Variants in CLMN observed in about 807,000 individuals in gnomAD.
CLMN encodes the protein calmin (calponin-like, transmembrane).
CLMN carries 57 observed loss-of-function variants against 92.7 expected under a neutral mutation model. The observed-to-expected ratio is 0.61, with a 90% CI of 0.50 to 0.77. The LOEUF (loss-of-function observed/expected upper bound fraction) is 0.77. CLMN is among the 30% of genes least tolerant of loss of function. The pLI, the probability that CLMN is intolerant of heterozygous loss-of-function variation, is 0.00. For missense variants in CLMN, 1,158 were observed against 1,237.5 expected (o/e 0.94, Z 0.96); for synonymous variants, 466 against 470.6 (o/e 0.99, Z 0.13).
At chr14:95,245,174 T>TTATA (rs1226855465) in intron 1 of CLMN, among the ~76,000 whole-genome samples, 1 of 50,438 alleles carries the variant, frequency 2.0e-5, no homozygotes, top group African/African-American at 9.2e-5. Flanking sequence ...ACTGGTTATA[T>TTATA]TATATATATA....
Position 95,183,435 on chromosome 14 carries a change from A to G in CLMN, c.*8129T>C, listed in dbSNP as rs1456806637. On this transcript the variant is annotated 3_prime_UTR_variant, in exon 13 of 13. Transcript: ENST00000298912. Reference sequence around the variant, plus strand: ...CTATTTTGTTTTTTGTAACAATGCAAAAATCACTACTTTTAAGCTTAAAAT... The same window carrying G: ...CTATTTTGTTTTTTGTAACAATGCAGAAATCACTACTTTTAAGCTTAAAAT... The G allele has an allele frequency of 2.6e-5, 4 of 152,270 alleles. No individual in the cohort carries two copies. Among genetic ancestry groups the G allele is most frequent in the Admixed American group, 2.0e-4 (3 of 15,290 alleles). The allele number at this position is 152,270 out of a possible 1,614,324, so 9.4% of individuals were successfully genotyped here.
In CLMN at chr14:95,194,756, C is replaced by T. The variant is rs1455466995; in HGVS notation, c.2709-160G>A. On this transcript the variant is annotated intron_variant, in intron 10 of 12. Coordinates refer to ENST00000298912, the MANE Select transcript of CLMN (RefSeq NM_024734.4). The surrounding 1 kb of genome is among the most constrained non-coding windows in gnomAD (Gnocchi z 4.0). ...ACAGATTTTATATCTAACATGCCTA[C>T]TTTGGTTGGACAGTGCTTACAAATA... is the stretch of plus-strand genomic sequence containing the variant. Among the ~76,000 whole-genome samples the T allele has an allele frequency of 2.6e-5, 4 of 152,038 alleles. No homozygotes were observed. The highest frequency in any genetic ancestry group is 6.5e-5 in the Admixed American group (1 of 15,284).
At chr14:95,245,551 G>A (rs1186745467) in intron 1 of CLMN, among the ~76,000 whole-genome samples, 5 of 150,158 alleles carry the variant, frequency 3.3e-5, no homozygotes, top group East Asian at 4.1e-4. Flanking sequence ...TGAATGGATA[G>A]GTGGATGGAG....
In CLMN at chr14:95,190,227, C is replaced by G. The variant is rs1003552249; in HGVS notation, c.*1337G>C. On this transcript the variant is annotated 3_prime_UTR_variant, in exon 13 of 13. Coordinates refer to ENST00000298912, the MANE Select transcript of CLMN (RefSeq NM_024734.4). ...TAATCTAGTCATTTTATCTTTTTCT[C>G]AGGACATTGGTGTGCCCAGTGGAAG... 5.3e-5 allele frequency: 8 copies of G among 152,196 alleles called. No individual in the cohort carries two copies. Among genetic ancestry groups the G allele is most frequent in the African/African-American group, 1.9e-4 (8 of 41,438 alleles). The allele number at this position is 152,196 out of a possible 1,614,324, so 9.4% of individuals were successfully genotyped here. A position where few individuals can be genotyped will look rare whatever the true frequency, so the allele number is the denominator to read the frequency against.
intron 9 of CLMN, among the ~76,000 whole-genome samples, chr14:95,197,301 GAAGAAGA>G: frequency 6.7e-6 from 1 of 150,002 alleles, no homozygotes; most frequent in African/African-American, 2.5e-5. Flanking sequence ...GGAGGAGGAA[GAAGAAGA>G]AAGAAGAAAG....
intron 1 of CLMN, among the ~76,000 whole-genome samples, chr14:95,284,910 G>A (rs1347902110): frequency 6.6e-6 from 1 of 152,178 alleles, no homozygotes; most frequent in East Asian, 1.9e-4. Context: ...GTGAGAATAT[G>A]AGATCTGGGA....
At chr14:95,314,175 C>T (rs1444705543) in intron 1 of CLMN, among the ~76,000 whole-genome samples, 4 of 152,238 alleles carry the variant, frequency 2.6e-5, no homozygotes, top group Admixed American at 1.3e-4. Flanking sequence ...GGGTGGAGTC[C>T]AGAGCCCCTT....
intron 1 of CLMN, among the ~76,000 whole-genome samples, chr14:95,232,505 T>G (rs1897922970): frequency 6.6e-6 from 1 of 152,226 alleles, no homozygotes; most frequent in South Asian, 2.1e-4. Flanking sequence ...TACAATATTT[T>G]TAACTGAAGA....
chr14:95,300,320 G>T (rs1426027775), intron 1 of CLMN, among the ~76,000 whole-genome samples: 1 of 152,246 alleles, frequency 6.6e-6, no homozygotes, highest in African/African-American at 2.4e-5. Context: ...GTGGGCTGGT[G>T]TCAGAGCCAA....
intron 1 of CLMN, among the ~76,000 whole-genome samples, chr14:95,239,606 G>A (rs1002800445): frequency 6.6e-6 from 1 of 152,148 alleles, no homozygotes; most frequent in Non-Finnish European, 1.5e-5. Flanking sequence ...ATTCTACAGA[G>A]TATGAGTTCT....
At chr14:95,219,319 A>G (rs1566874786) in intron 4 of CLMN, among the ~76,000 whole-genome samples, 1 of 152,258 alleles carries the variant, frequency 6.6e-6, no homozygotes, top group Non-Finnish European at 1.5e-5. Flanking sequence ...AAGGAAGAGC[A>G]GCACGAATCT....
chr14:95,198,650 G>A (rs1489295543), intron 9 of CLMN, among the ~76,000 whole-genome samples: 1 of 152,058 alleles, frequency 6.6e-6, no homozygotes, highest in Non-Finnish European at 1.5e-5. Context: ...ATCTGCCCAC[G>A]CTCTCACCAA....
intron 1 of CLMN, among the ~76,000 whole-genome samples, chr14:95,236,398 G>T (rs1898058833): frequency 6.6e-6 from 1 of 152,200 alleles, no homozygotes; most frequent in African/African-American, 2.4e-5. Flanking sequence ...GCGCAGCTTG[G>T]AATCCCTCAA....
intron 1 of CLMN, among the ~76,000 whole-genome samples, chr14:95,236,191 A>T (rs1898049299): frequency 6.6e-6 from 1 of 152,222 alleles, no homozygotes; most frequent in Non-Finnish European, 1.5e-5. Flanking sequence ...GCTTAGGAAC[A>T]TGGCCGCTCA....
intron 1 of CLMN, among the ~76,000 whole-genome samples, chr14:95,292,428 T>TCCCCCCCCCCCCCCCCC (rs1263766978): frequency 8.9e-4 from 66 of 74,096 alleles, no homozygotes; most frequent in Admixed American, 1.9e-3. Flanking sequence ...CCCCCAAGGG[T>TCCCCCCCCCCCCCCCCC]CCCCCACCCC....
At chr14:95,245,211 T>TATATATATATAATATATATATATA (rs1898453717) in intron 1 of CLMN, among the ~76,000 whole-genome samples, 3 of 21,778 alleles carry the variant, frequency 1.4e-4, no homozygotes, top group South Asian at 1.8e-3. Flanking sequence ...ATATATATTA[T>TATATATATATAATATATATATATA]ATATATATAT....
intron 6 of CLMN, 89 bp downstream of exon 6, chr14:95,213,130 T>C: frequency 7.1e-7 from 1 of 1,404,620 alleles, no homozygotes; most frequent in Non-Finnish European, 9.9e-7. Context: ...CATACATAAC[T>C]GGCACCTTAA....
At chr14:95,291,728 G>T (rs1231723287) in intron 1 of CLMN, among the ~76,000 whole-genome samples, 1 of 152,158 alleles carries the variant, frequency 6.6e-6, no homozygotes, top group African/African-American at 2.4e-5. Flanking sequence ...CACCAGAAAT[G>T]GGGACAAGAA....
chr14:95,195,283 C>T (rs1896674352), intron 10 of CLMN, among the ~76,000 whole-genome samples: 1 of 152,238 alleles, frequency 6.6e-6, no homozygotes, highest in Admixed American at 6.5e-5. Flanking sequence ...CCTGCACTGA[C>T]AGCAGAGCCC....
Sources: gnomAD v4.1 joint callset for allele counts (sites outside exome capture counted in the v4.1 genomes callset) on GRCh38, gnomAD v4.1.1 for gene constraint, Gnocchi (gnomAD v3.1) non-coding constraint, MANE v1.5 for transcripts, NCBI Gene and HGNC (gene_info 2026-07-23, HGNC 2026-07-21) for gene names.